Variants in GMPR2 observed in about 807,000 individuals in gnomAD.
The protein encoded by GMPR2 is GMP reductase 2.
A neutral mutation model predicts 38.5 loss-of-function variants in GMPR2; 32 were observed. The ratio of observed to expected loss-of-function variants is 0.83; its 90% CI spans 0.63 to 1.12. GMPR2 has a LOEUF of 1.12. GMPR2 is among the 50% of genes most tolerant of loss of function. The probability of loss-of-function intolerance (pLI) is 0.00; values close to 1 mark genes in which losing one functional copy is unlikely to be tolerated. For synonymous variants in GMPR2, 154 were observed against 151.0 expected, an observed-to-expected ratio of 1.02 and a Z score of -0.15; for missense variants, 396 against 432.1, an observed-to-expected ratio of 0.92 and a Z score of 0.74.
intron 3 of GMPR2, chr14:24,234,283 CT>C (rs2040232101): frequency 7.9e-7 from 1 of 1,261,006 alleles, no homozygotes; most frequent in Non-Finnish European, 1.0e-6. Context: ...ATGCACTCTG[CT>C]GGTTGATCCA....
rs558379130 is a variant in GMPR2, at chr14:24,238,609, T to C, written c.878T>C (p.Val293Ala). ...AEYRASEGKTVEVPFKGDVEH... is the reference protein window; with the variant it reads ...AEYRASEGKTAEVPFKGDVEH... ...TTAAGAGCCTCAGAGGGAAAGACAG[T>C]GGAAGTTCCTTTTAAAGGAGATGTG... is the stretch of plus-strand genomic sequence containing the variant. Residue 293 changes from valine to alanine, a missense_variant, in exon 10 of 10, where the codon GTG (valine) becomes GCG (alanine). Physicochemically the swap from Val to Ala is moderately conservative, Grantham distance 64 (BLOSUM62 0). Coordinates refer to ENST00000399440, the MANE Select transcript of GMPR2 (RefSeq NM_001002002.3). The C allele has an allele frequency of 2.5e-6, 4 of 1,614,058 alleles. No homozygotes were observed. In the South Asian group the frequency reaches 3.3e-5, roughly 13 times the overall value.
At position 24,233,699 on chromosome 14, in the gene GMPR2, C is replaced by G. The variant is rs1246894706; in HGVS notation, c.207+101C>G. 3 of 1,304,792 alleles carry G rather than the reference C, an allele frequency of 2.3e-6. No homozygotes were observed. The South Asian group carries it at 3.6e-5, about 15-fold the overall frequency. 80.8% of individuals were successfully genotyped at this position (1,304,792 alleles called of 1,614,324 possible). A position where few individuals can be genotyped will look rare whatever the true frequency, so the allele number is the denominator to read the frequency against. On this transcript the variant is annotated intron_variant, in intron 3 of 9. Transcript: ENST00000399440. ...CCCCCATGCCCAGTCAGTTCTCTGG[C>G]AGTTAGCAGTCAGGATGCTCTGATT...
intron 3 of GMPR2, among the ~76,000 whole-genome samples, chr14:24,234,814 C>A (rs914896078): frequency 6.6e-6 from 1 of 152,214 alleles, no homozygotes; most frequent in Non-Finnish European, 1.5e-5. Flanking sequence ...CTTTGCTTAT[C>A]AGTATGTTGA....
chr14:24,235,391 A>G (rs2040289270), intron 3 of GMPR2: 1 of 321,086 alleles, frequency 3.1e-6, no homozygotes, highest in African/African-American at 2.2e-5. Flanking sequence ...CACAGGCTCC[A>G]TCCAGCTTCT....
chr14:24,235,555 G>A (rs1229755683), intron 3 of GMPR2, 182 bp from the exon 4 acceptor site: 66 of 608,968 alleles, frequency 1.1e-4, no homozygotes, highest in Non-Finnish European at 1.8e-5. Flanking sequence ...ATGGTAAAAA[G>A]CCCTACTAGT....
At position 24,233,265 on chromosome 14, in the gene GMPR2, T is replaced by C. The variant is rs1222338991; in HGVS notation, c.12T>C (p.Ile4=). The C allele has an allele frequency of 1.9e-6, 3 of 1,614,010 alleles. No homozygotes were observed. Among genetic ancestry groups the C allele is most frequent in the East Asian group, 4.5e-5 (2 of 44,902 alleles). MPH[I]DNDVKLDFKD... ...CGAGGCTAAGCGCCATGCCTCATAT[T>C]GACAACGATGTGAAACTGGACTTCA... is the stretch of plus-strand genomic sequence containing the variant. Residue 4 remains isoleucine, a synonymous_variant, in exon 2 of 10, where the codon ATT becomes ATC. Transcript: ENST00000399440.
At chr14:24,234,796 T>C (rs1031350597) in intron 3 of GMPR2, among the ~76,000 whole-genome samples, 2 of 152,242 alleles carry the variant, frequency 1.3e-5, no homozygotes, top group Non-Finnish European at 2.9e-5. Context: ...TATCCTATGG[T>C]GACTTTTCTT....
In GMPR2 at chr14:24,232,936, C is replaced by G; in HGVS notation, c.-77C>G. The G allele has an allele frequency of 2.0e-6, 1 of 492,476 alleles. No homozygotes were observed. The allele number at this position is 492,476 out of a possible 1,614,324, so 30.5% of individuals were successfully genotyped here. ...TCGTTCCCCTAAATCAGCCTCTTGC[C>G]CCATTGCTCTTTGCAGGGGTAGAAG... On this transcript the variant is annotated 5_prime_UTR_variant, in exon 1 of 10. Coordinates refer to ENST00000399440, the MANE Select transcript of GMPR2 (RefSeq NM_001002002.3).
chr14:24,236,241 C>T lies in GMPR2; in HGVS notation c.465+101C>T, dbSNP rs923936012. ...TCTCCTCTGCTGCATTATGATATTC[C>T]TAGTTCATTTAATCATGATACTGGA... On this transcript the variant is annotated intron_variant, in intron 5 of 9. Coordinates refer to ENST00000399440, the MANE Select transcript of GMPR2 (RefSeq NM_001002002.3). The T allele has an allele frequency of 6.0e-6, 5 of 836,780 alleles. No individual in the cohort carries two copies. The Admixed American group carries it at 1.0e-4, about 18-fold the overall frequency. 51.8% of individuals were successfully genotyped at this position (836,780 alleles called of 1,614,324 possible). A position where few individuals can be genotyped will look rare whatever the true frequency, so the allele number is the denominator to read the frequency against.
intron 1 of GMPR2, 118 bp downstream of exon 1, chr14:24,233,095 G>C (rs1002787536): frequency 1.0e-5 from 13 of 1,259,832 alleles, no homozygotes; most frequent in Non-Finnish European, 1.5e-5. Context: ...GAGGTGACAG[G>C]CTTCAGGGAC....
chr14:24,236,258 G>GTATCATGATTAA, intron 5 of GMPR2, 118 bp downstream of exon 5: 3 of 751,764 alleles, frequency 4.0e-6, no homozygotes, highest in Non-Finnish European at 4.6e-6. Context: ...ATTTAATCAT[G>GTATCATGATTAA]ATACTGGATG....
At chr14:24,233,162 G>T in intron 1 of GMPR2, 57 bp from the exon 2 acceptor site, 6 of 1,610,084 alleles carry the variant, frequency 3.7e-6, no homozygotes, top group Non-Finnish European at 5.1e-6. Context: ...GCCACCAGCC[G>T]TAACAGGGCG....
Position 24,238,402 on chromosome 14 carries a change from A to C in GMPR2, c.854A>C (p.Tyr285Ser), listed in dbSNP as rs202155508. 1 of 1,614,048 alleles carries C rather than the reference A, an allele frequency of 6.2e-7. No individual in the cohort carries two copies. Among genetic ancestry groups the C allele is most frequent in the South Asian group, 1.1e-5 (1 of 91,078 alleles). The change falls in exon 9 of 10, where the codon TAC (tyrosine) becomes TCC (serine). Residue 285 changes from tyrosine (Y) to serine (S), a missense_variant. Tyr to Ser is a moderately radical substitution (Grantham distance 144). Transcript: ENST00000399440. ...AAGTATGCTGGGGGCGTGGCTGAGTACAGGTATGTGTGGAGGCCCAGGAGC... is the reference window on the plus strand; with the variant it reads ...AAGTATGCTGGGGGCGTGGCTGAGTCCAGGTATGTGTGGAGGCCCAGGAGC... ...MKKYAGGVAE[Y>S]RASEGKTVEV...
intron 3 of GMPR2, chr14:24,234,095 CTCTTCTT>C: frequency 7.8e-7 from 1 of 1,288,144 alleles, no homozygotes; most frequent in Non-Finnish European, 1.0e-6. Flanking sequence ...TTTAATCTTC[CTCTTCTT>C]TAAGTCCTAG....
intron 8 of GMPR2, 31 bp from the exon 9 acceptor site, chr14:24,238,215 A>C: frequency 6.3e-7 from 1 of 1,584,762 alleles, no homozygotes; most frequent in Non-Finnish European, 8.6e-7. Context: ...TGGCCAGATT[A>C]ATCTCTTTCC....
chr14:24,237,652 A>G (rs2040412285), intron 8 of GMPR2, 90 bp downstream of exon 8: 1 of 1,143,500 alleles, frequency 8.7e-7, no homozygotes, highest in Admixed American at 1.8e-5. Context: ...GAGGCTCAGG[A>G]AGTCATTCAG....
intron 8 of GMPR2, 165 bp from the exon 9 acceptor site, chr14:24,238,081 G>A: frequency 1.6e-6 from 1 of 627,660 alleles, no homozygotes; most frequent in Non-Finnish European, 2.8e-6. Context: ...ATAGAGGCCA[G>A]GGCAGATCAG....
intron 3 of GMPR2, chr14:24,234,207 T>C: frequency 7.8e-7 from 1 of 1,289,624 alleles, no homozygotes; most frequent in Non-Finnish European, 1.0e-6. Flanking sequence ...CTCCTGTCAG[T>C]ACTATTACCT....
In GMPR2 at chr14:24,236,051, A is replaced by G. The variant is rs201053509; in HGVS notation, c.376A>G (p.Ile126Val). Residue 126 changes from isoleucine (I) to valine (V), a missense_variant, in exon 5 of 10, where the codon ATA (isoleucine) becomes GTA (valine). Coordinates refer to ENST00000399440, the MANE Select transcript of GMPR2 (RefSeq NM_001002002.3). ...GGAAGCTATTCCCCAGGTGAAGTATATATGCCTGGATGTGGCAAATGGCTA... is the reference window on the plus strand; with the variant it reads ...GGAAGCTATTCCCCAGGTGAAGTATGTATGCCTGGATGTGGCAAATGGCTA... ...ILEAIPQVKYICLDVANGYSE... is the reference protein window; with the variant it reads ...ILEAIPQVKYVCLDVANGYSE... The G allele has an allele frequency of 2.9e-5, 47 of 1,613,258 alleles. 1 individual carries two copies. In the Middle Eastern group the frequency reaches 5.0e-4, roughly 17 times the overall value.
Sources: gnomAD v4.1 joint callset for allele counts (sites outside exome capture counted in the v4.1 genomes callset) on GRCh38, gnomAD v4.1.1 for gene constraint, MANE v1.5 for transcripts, NCBI Gene and HGNC (gene_info 2026-07-23, HGNC 2026-07-21) for gene names.